The following FAM234A variants were observed in gnomAD, a reference collection of about 807,000 sequenced individuals.
FAM234A encodes family with sequence similarity 234 member A.
In FAM234A, 42 loss-of-function variants were observed where a neutral mutation model predicts 49.1. The observed-to-expected ratio is 0.86, with a 90% confidence interval of 0.67 to 1.11. The LOEUF (loss-of-function observed/expected upper bound fraction) is 1.11. FAM234A is among the 50% of genes least tolerant of loss of function. The pLI is 0.00. For synonymous variants in FAM234A, 369 were observed against 316.2 expected (o/e 1.17, Z -1.77); for missense variants, 815 against 745.2 (o/e 1.09, Z -1.09).
chr16:248,535 G>T (rs1026229777), intron 1 of FAM234A: 1 of 151,922 alleles, frequency 6.6e-6, no homozygotes, highest in African/African-American at 2.4e-5. Flanking sequence ...ACTTCTGGAA[G>T]GACCCATATG....
intron 3 of FAM234A, among the ~76,000 whole-genome samples, chr16:258,683 C>T (rs550768025): frequency 1.6e-4 from 24 of 152,340 alleles, no homozygotes; most frequent in South Asian, 4.1e-4. Context: ...ACCTCCCAGA[C>T]GGGGTGGTAG....
intron 5 of FAM234A, 183 bp from the exon 6 acceptor site, chr16:261,201 C>T (rs1567223596): frequency 4.7e-6 from 3 of 635,950 alleles, no homozygotes; most frequent in South Asian, 4.2e-5. Context: ...GCGTGCTGCT[C>T]CTTCACGAGC....
At chr16:258,072 TCTCGGA>T (rs1334043440) in intron 3 of FAM234A, among the ~76,000 whole-genome samples, 1 of 151,904 alleles carries the variant, frequency 6.6e-6, no homozygotes, top group South Asian at 2.1e-4. Context: ...GCCAGGCTTG[TCTCGGA>T]CTCCTGACCT....
intron 1 of FAM234A, among the ~76,000 whole-genome samples, chr16:246,041 A>G (rs1174944360): frequency 6.6e-6 from 1 of 151,610 alleles, no homozygotes; most frequent in Non-Finnish European, 1.5e-5. Context: ...CGTCTCTACT[A>G]AAAATACAAA....
At chr16:253,471 T>G (rs747217171) in intron 2 of FAM234A, among the ~76,000 whole-genome samples, 2 of 152,170 alleles carry the variant, frequency 1.3e-5, no homozygotes, top group Non-Finnish European at 2.9e-5. Context: ...AAGTACTTTA[T>G]ATGCATTTAA....
downstream of FAM234A, chr16:269,060 C>G (rs1417408883): frequency 9.6e-7 from 1 of 1,045,334 alleles, no homozygotes; most frequent in African/African-American, 1.6e-5. Context: ...CCCTGGGAAT[C>G]CACACCTGGA....
downstream of FAM234A, chr16:269,152 G>A: frequency 4.3e-6 from 4 of 940,876 alleles, no homozygotes; most frequent in Non-Finnish European, 3.4e-6. Flanking sequence ...CTGGGCACAA[G>A]GGGACACTGG....
At chr16:259,947 G>T in intron 4 of FAM234A, 22 bp from the exon 5 acceptor site, 1 of 1,606,462 alleles carries the variant, frequency 6.2e-7, no homozygotes, top group Non-Finnish European at 8.5e-7. Flanking sequence ...CAACAGTGAG[G>T]TGCCGGTGTC....
In FAM234A at chr16:250,668, A is replaced by G. The variant is rs560131042; in HGVS notation, c.-34+1014A>G. ...ATCACAGCATTTTGTAACCATCACC[A>G]CTATTTTCATCATCCCACAAAGAAA... is the stretch of plus-strand genomic sequence containing the variant. On this transcript the variant is annotated intron_variant, in intron 2 of 12. Transcript: ENST00000399932. 3.9e-5 allele frequency among the ~76,000 whole-genome samples: 6 copies of G among 152,050 alleles called. No homozygotes were observed. In the South Asian group the frequency reaches 1.0e-3, roughly 26 times the overall value.
chr16:240,367 T>C (rs1045107462), intron 1 of FAM234A: 1 of 152,204 alleles, frequency 6.6e-6, no homozygotes, highest in Non-Finnish European at 1.5e-5. Flanking sequence ...ATAGCTTTCT[T>C]TCTGCCAGGT....
At chr16:247,492 G>A (rs986245161) in intron 1 of FAM234A, among the ~76,000 whole-genome samples, 2 of 151,586 alleles carry the variant, frequency 1.3e-5, no homozygotes, top group Non-Finnish European at 2.9e-5. Context: ...GAGTGCGATG[G>A]CTCAATCTCG....
In FAM234A at chr16:258,155, A is replaced by ATTT. The variant is rs577801424; in HGVS notation, c.269-1312_269-1310dup. On this transcript the variant is annotated intron_variant, in intron 3 of 12. Transcript: ENST00000399932. ...AGGCGTGAGCCACCTCACCCGGCCT[A>ATTT]TTTTTTTTTTTTTTTTTTATTGATC... Among the ~76,000 whole-genome samples, 7 of 134,082 alleles carry ATTT rather than the reference A, an allele frequency of 5.2e-5. 1 individual carries two copies. The South Asian group carries it at 7.1e-4, about 14-fold the overall frequency. 88.0% of individuals were successfully genotyped at this position (134,082 alleles called of 152,430 possible).
chr16:247,290 G>A (rs554687572), intron 1 of FAM234A, among the ~76,000 whole-genome samples: 2 of 151,440 alleles, frequency 1.3e-5, no homozygotes, highest in South Asian at 2.1e-4. Flanking sequence ...CCACCACACC[G>A]GGCTGATTTT....
rs1451477830 is a variant in FAM234A, at chr16:266,000, C to T, written c.*978C>T. On this transcript the variant is annotated 3_prime_UTR_variant, in exon 13 of 13. Coordinates refer to ENST00000399932, the MANE Select transcript of FAM234A (RefSeq NM_032039.4). ...ATGGTGCTCTGTACTGCTCGGGCCGCCCAGGTCACAGAGCCTGAGCTTCGT... is the reference window on the plus strand; with the variant it reads ...ATGGTGCTCTGTACTGCTCGGGCCGTCCAGGTCACAGAGCCTGAGCTTCGT... 4 of 985,938 alleles carry T rather than the reference C, an allele frequency of 4.1e-6. No individual in the cohort carries two copies. The highest frequency in any genetic ancestry group is 4.8e-6 in the Non-Finnish European group (4 of 830,006). 61.1% of individuals were successfully genotyped at this position (985,938 alleles called of 1,614,324 possible).
In FAM234A at chr16:258,950, T is replaced by G. The variant is rs928778811; in HGVS notation, c.269-533T>G. ...GGCACGTGCTACTACACCCAGCTAATTTTTTGTATTTTTAGTAGAGACAGG... is the reference window on the plus strand; with the variant it reads ...GGCACGTGCTACTACACCCAGCTAAGTTTTTGTATTTTTAGTAGAGACAGG... On this transcript the variant is annotated intron_variant, in intron 3 of 12. Coordinates refer to ENST00000399932, the MANE Select transcript of FAM234A (RefSeq NM_032039.4). Among the ~76,000 whole-genome samples the G allele has an allele frequency of 1.6e-4, 24 of 152,208 alleles. No homozygotes were observed. In the East Asian group the frequency reaches 4.6e-3, roughly 29 times the overall value.
intron 2 of FAM234A, among the ~76,000 whole-genome samples, chr16:252,138 C>T (rs1001219557): frequency 3.3e-4 from 50 of 151,156 alleles, no homozygotes; most frequent in Middle Eastern, 3.4e-3. Context: ...ACTGGCATTA[C>T]AGGCATGAGC....
At chr16:251,706 T>TTTTTA (rs1567215357) in intron 2 of FAM234A, among the ~76,000 whole-genome samples, 1 of 146,144 alleles carries the variant, frequency 6.8e-6, no homozygotes, top group Non-Finnish European at 1.5e-5. Context: ...TTTTTTTTTT[T>TTTTTA]AAGAGATGGG....
At chr16:268,761 T>C (rs1220513626), downstream of FAM234A, 2 of 1,548,916 alleles carry the variant, frequency 1.3e-6, no homozygotes, top group South Asian at 1.2e-5. Flanking sequence ...GGCACTCTCT[T>C]GGGTCCTCTT....
Position 238,073 on chromosome 16 carries a change from C to T in FAM234A, c.-140+3216C>T, listed in dbSNP as rs538505417. Reference sequence around the variant, plus strand: ...TCGCTCTGTTGCCCAGGCTGGAGTGCAGTGGCTCCATCTTGGCCCACTGCA... The same window carrying T: ...TCGCTCTGTTGCCCAGGCTGGAGTGTAGTGGCTCCATCTTGGCCCACTGCA... On this transcript the variant is annotated intron_variant, in intron 1 of 12. Coordinates refer to ENST00000399932, the MANE Select transcript of FAM234A (RefSeq NM_032039.4). 3.7e-4 allele frequency among the ~76,000 whole-genome samples: 57 copies of T among 152,174 alleles called. 2 individuals are homozygous for T. Among genetic ancestry groups the T allele is most frequent in the Non-Finnish European group, 6.0e-4 (41 of 68,002 alleles).
Sources: allele counts gnomAD v4.1 joint callset (sites outside exome capture counted in the v4.1 genomes callset), GRCh38; gene constraint gnomAD v4.1.1; transcripts MANE v1.5; gene names NCBI Gene and HGNC (gene_info 2026-07-23, HGNC 2026-07-21).